The following XKR4 variants were observed in gnomAD, a reference collection of about 807,000 sequenced individuals.
XKR4 encodes the protein XK related 4.
In XKR4, 12 loss-of-function variants were observed where a neutral mutation model predicts 53.9. The ratio of observed to expected loss-of-function variants is 0.22; its 90% confidence interval spans 0.14 to 0.36. The LOEUF (loss-of-function observed/expected upper bound fraction) is 0.36. Among genes scored for constraint, XKR4 ranks in the 10% least tolerant of loss-of-function variants. The probability of loss-of-function intolerance (pLI) is 1.00; values close to 1 mark genes in which losing one functional copy is unlikely to be tolerated. For synonymous variants in XKR4, 354 were observed against 362.4 expected (o/e 0.98, Z 0.26); for missense variants, 799 against 859.5 (o/e 0.93, Z 0.88).
intron 1 of XKR4, among the ~76,000 whole-genome samples, chr8:55,128,103 G>A (rs1816498916): frequency 6.6e-6 from 1 of 151,908 alleles, no homozygotes; most frequent in Admixed American, 6.6e-5. Flanking sequence ...CCCAGTAATG[G>A]GATGGCTGGG....
chr8:55,465,980 G>A (rs1805761069), intron 2 of XKR4, among the ~76,000 whole-genome samples: 1 of 152,030 alleles, frequency 6.6e-6, no homozygotes, highest in African/African-American at 2.4e-5. Context: ...TAAAAAGTCA[G>A]GAAACAACAG....
chr8:55,428,182 T>C (rs1391286224), intron 2 of XKR4, among the ~76,000 whole-genome samples: 1 of 152,190 alleles, frequency 6.6e-6, no homozygotes, highest in African/African-American at 2.4e-5. Context: ...GGACATTATA[T>C]ATAAAGCAAA....
chr8:55,239,758 C>A (rs1301229253), intron 1 of XKR4, among the ~76,000 whole-genome samples: 1 of 152,166 alleles, frequency 6.6e-6, no homozygotes, highest in African/African-American at 2.4e-5. Context: ...CTCTTGACAT[C>A]CCTTCTTCAA....
chr8:55,228,276 G>A (rs960063400), intron 1 of XKR4, among the ~76,000 whole-genome samples: 6 of 152,136 alleles, frequency 3.9e-5, no homozygotes, highest in Admixed American at 3.9e-4. Flanking sequence ...AGAGACAGAG[G>A]CATGCATAGC....
At chr8:55,447,047 C>T (rs1031335951) in intron 2 of XKR4, among the ~76,000 whole-genome samples, 47 of 146,954 alleles carry the variant, frequency 3.2e-4, no homozygotes, top group Admixed American at 6.1e-4. Flanking sequence ...TATAGCCTAC[C>T]TGATTGGGAA....
At chr8:55,371,453 T>G (rs1285028398) in intron 2 of XKR4, among the ~76,000 whole-genome samples, 1 of 152,292 alleles carries the variant, frequency 6.6e-6, no homozygotes, top group East Asian at 1.9e-4. Context: ...CAACCTATTT[T>G]CCTGTATTTC....
chr8:55,130,507 G>T (rs1175365231), intron 1 of XKR4, among the ~76,000 whole-genome samples: 1 of 152,234 alleles, frequency 6.6e-6, no homozygotes, highest in African/African-American at 2.4e-5. Context: ...TGGAAGTCTT[G>T]TCAGCCAAGG....
At chr8:55,142,176 C>T (rs577757734) in intron 1 of XKR4, 9 of 456,136 alleles carry the variant, frequency 2.0e-5, no homozygotes, top group South Asian at 9.3e-5. Context: ...CTCTCCTGAG[C>T]GCTTTGTCTT....
chr8:55,222,743 T>G (rs1210463351), intron 1 of XKR4, among the ~76,000 whole-genome samples: 1 of 152,234 alleles, frequency 6.6e-6, no homozygotes, highest in Non-Finnish European at 1.5e-5. Context: ...TTACTACACA[T>G]GTATATACAA....
At chr8:55,262,426 C>G (rs990422522) in intron 1 of XKR4, among the ~76,000 whole-genome samples, 7 of 152,108 alleles carry the variant, frequency 4.6e-5, no homozygotes, top group South Asian at 4.2e-4. Flanking sequence ...AGCCTTACCC[C>G]CATTGTGATG....
At chr8:55,208,612 G>A (rs552467914) in intron 1 of XKR4, among the ~76,000 whole-genome samples, 36 of 151,760 alleles carry the variant, frequency 2.4e-4, no homozygotes, top group South Asian at 4.2e-4. Flanking sequence ...GAGTACAGGC[G>A]CCCACCACCA....
chr8:55,164,515 A>G (rs1444395925), intron 1 of XKR4: 1 of 443,368 alleles, frequency 2.3e-6, no homozygotes, highest in African/African-American at 2.0e-5. Flanking sequence ...GCTTGCTGGT[A>G]CTCAGAAAAT....
chr8:55,402,923 A>C (rs1366326862), intron 2 of XKR4, among the ~76,000 whole-genome samples: 1 of 152,186 alleles, frequency 6.6e-6, no homozygotes, highest in Non-Finnish European at 1.5e-5. Context: ...CACACTCAGA[A>C]AACAGACCTC....
At chr8:55,313,858 G>T (rs1439192504) in intron 1 of XKR4, among the ~76,000 whole-genome samples, 2 of 152,150 alleles carry the variant, frequency 1.3e-5, no homozygotes, top group African/African-American at 4.8e-5. Flanking sequence ...AATTAGAATG[G>T]AGGTGAGGTA....
At chr8:55,451,264 C>G (rs1805437501) in intron 2 of XKR4, 1 of 584,964 alleles carries the variant, frequency 1.7e-6, no homozygotes, top group Non-Finnish European at 3.1e-6. Flanking sequence ...CAGGTCCAGA[C>G]ACTGCCCCCA....
Position 55,518,961 on chromosome 8 carries a change from G to A in XKR4, c.1007-4320G>A, listed in dbSNP as rs1178453795. Among the ~76,000 whole-genome samples the A allele has an allele frequency of 2.0e-5, 3 of 152,184 alleles. No homozygotes were observed. The East Asian group carries it at 5.8e-4, about 29-fold the overall frequency. On this transcript the variant is annotated intron_variant, in intron 2 of 2. Coordinates refer to ENST00000327381, the MANE Select transcript of XKR4 (RefSeq NM_052898.2). Reference sequence around the variant, plus strand: ...GTTAAAGGAGGCTTGTTACATGTTTGTAAGATCTGGGGAAGGCGCTCTTAT... The same window carrying A: ...GTTAAAGGAGGCTTGTTACATGTTTATAAGATCTGGGGAAGGCGCTCTTAT...
intron 1 of XKR4, among the ~76,000 whole-genome samples, chr8:55,311,645 T>C (rs2129378284): frequency 6.6e-6 from 1 of 151,946 alleles, no homozygotes; most frequent in Admixed American, 6.5e-5. Flanking sequence ...ACAATGGAAA[T>C]GATAGCCTAG....
At chr8:55,251,001 T>A (rs1467384093) in intron 1 of XKR4, among the ~76,000 whole-genome samples, 1 of 152,068 alleles carries the variant, frequency 6.6e-6, no homozygotes, top group Non-Finnish European at 1.5e-5. Flanking sequence ...ACTTTGAGAG[T>A]GCTAGGAATC....
chr8:55,171,477 G>T (rs1045250691), intron 1 of XKR4, among the ~76,000 whole-genome samples: 2 of 152,124 alleles, frequency 1.3e-5, no homozygotes, highest in Non-Finnish European at 2.9e-5. Context: ...GTCTTCATAC[G>T]TCTCCGTGTC....
Sources: allele counts gnomAD v4.1 joint callset (sites outside exome capture counted in the v4.1 genomes callset), GRCh38; gene constraint gnomAD v4.1.1; transcripts MANE v1.5; gene names NCBI Gene and HGNC (gene_info 2026-07-23, HGNC 2026-07-21).